Variants in ABLIM2 observed in about 807,000 individuals in gnomAD.
ABLIM2 encodes the protein actin-binding LIM protein 2.
A neutral mutation model predicts 97.7 loss-of-function variants in ABLIM2; 53 were observed. That is an observed-to-expected ratio of 0.54 (90% CI 0.44 to 0.68). ABLIM2 has a LOEUF of 0.68. Ranked by LOEUF, ABLIM2 falls within the 30% of genes least tolerant of loss-of-function variation. The probability of loss-of-function intolerance (pLI) is 0.00; values close to 1 mark genes in which losing one functional copy is unlikely to be tolerated. For synonymous variants in ABLIM2, 361 were observed against 345.8 expected, an observed-to-expected ratio of 1.04 and a Z score of -0.49; for missense variants, 835 against 867.2, an observed-to-expected ratio of 0.96 and a Z score of 0.47.
At chr4:8,086,956 T>A (rs528975702) in intron 4 of ABLIM2, among the ~76,000 whole-genome samples, 1 of 152,048 alleles carries the variant, frequency 6.6e-6, no homozygotes, top group Non-Finnish European at 1.5e-5. Flanking sequence ...TCCCAAGGGA[T>A]GAAGGCTTTG....
chr4:8,060,507 C>T (rs1207294491), intron 7 of ABLIM2, among the ~76,000 whole-genome samples: 1 of 152,194 alleles, frequency 6.6e-6, no homozygotes, highest in Non-Finnish European at 1.5e-5. Context: ...CAGTGACCCT[C>T]AGTACCTCAT....
rs1220921767 is a variant in ABLIM2, at chr4:8,069,784, G to T, written c.675+7844C>A. On this transcript the variant is annotated intron_variant, in intron 6 of 20. Transcript: ENST00000447017. This position sits in a 1 kb window ranked among gnomAD's most constrained non-coding sequence, Gnocchi z 4.2. ...CGGTGTGTCCATGCATGTTGTCTGT[G>T]TCTCTCCGTGTGCTTGTGTGTCTCT... 6.6e-6 allele frequency among the ~76,000 whole-genome samples: 1 copy of T among 151,896 alleles called. No individual in the cohort carries two copies. Among genetic ancestry groups the T allele is most frequent in the African/African-American group, 2.4e-5 (1 of 41,350 alleles).
intron 1 of ABLIM2, among the ~76,000 whole-genome samples, chr4:8,152,078 C>T (rs536774438): frequency 9.9e-5 from 15 of 152,200 alleles, no homozygotes; most frequent in African/African-American, 2.9e-4. Context: ...TAACACACCA[C>T]GGCCCAGGCG....
In ABLIM2 at chr4:8,125,597, G is replaced by A. The variant is rs191977492; in HGVS notation, c.11-18960C>T. 6.6e-6 allele frequency among the ~76,000 whole-genome samples: 1 copy of A among 152,310 alleles called. No homozygotes were observed. The highest frequency in any genetic ancestry group is 1.9e-4 in the East Asian group (1 of 5,166). On this transcript the variant is annotated intron_variant, in intron 1 of 20. Coordinates refer to ENST00000447017, the MANE Select transcript of ABLIM2 (RefSeq NM_001130083.2). This position sits in a 1 kb window ranked among gnomAD's most constrained non-coding sequence, Gnocchi z 6.2. ...CCACAGGTTTGCATGGGGCCTCGGT[G>A]CCGGGGCTGCTTCTGGGATGGTCGT...
rs970719293 is a variant in ABLIM2 at position 8,071,127 on chromosome 4, G to A, written c.675+6501C>T. ...AGAGGCTGGTCACACCGCTGTCCCC[G>A]TGGATTCGCCAGCTGAGTCCCAGCT... On this transcript the variant is annotated intron_variant, in intron 6 of 20. Transcript: ENST00000447017. This position sits in a 1 kb window ranked among gnomAD's most constrained non-coding sequence, Gnocchi z 6.2. 5.9e-5 allele frequency among the ~76,000 whole-genome samples: 9 copies of A among 151,838 alleles called. 1 individual carries two copies. Among genetic ancestry groups the A allele is most frequent in the South Asian group, 4.2e-4 (2 of 4,818 alleles).
intron 12 of ABLIM2, among the ~76,000 whole-genome samples, chr4:8,024,735 C>T (rs888226480): frequency 6.6e-6 from 1 of 152,196 alleles, no homozygotes; most frequent in Admixed American, 6.5e-5. Context: ...TGGGCTCTGC[C>T]AGAAGGAGCT....
chr4:7,965,709 C>T lies in ABLIM2; in HGVS notation c.*1281G>A, dbSNP rs1722708371. 1 of 152,258 alleles carries T rather than the reference C, an allele frequency of 6.6e-6. No individual in the cohort carries two copies. Among genetic ancestry groups the T allele is most frequent in the Non-Finnish European group, 1.5e-5 (1 of 68,068 alleles). 9.4% of individuals were successfully genotyped at this position (152,258 alleles called of 1,614,324 possible). A position where few individuals can be genotyped will look rare whatever the true frequency, so the allele number is the denominator to read the frequency against. ...CACACCTAATGACAGACACCAACGC[C>T]TTCGCTTGGGGAGCCCGGCCAGCCT... On this transcript the variant is annotated 3_prime_UTR_variant, in exon 21 of 21. Transcript: ENST00000447017.
chr4:8,131,792 G>T (rs1378829653), intron 1 of ABLIM2, among the ~76,000 whole-genome samples: 3 of 92,012 alleles, frequency 3.3e-5, no homozygotes, highest in Admixed American at 1.0e-4. Context: ...CTGCACAGCA[G>T]CCCGCATCCC....
At position 8,128,789 on chromosome 4, in the gene ABLIM2, G is replaced by T. The variant is rs750818673; in HGVS notation, c.11-22152C>A. Among the ~76,000 whole-genome samples the T allele has an allele frequency of 5.9e-5, 9 of 152,130 alleles. No homozygotes were observed. The highest frequency in any genetic ancestry group is 8.8e-5 in the Non-Finnish European group (6 of 68,030). Reference sequence around the variant, plus strand: ...GCAGGTGGAGCCCTCATCATGGGATGAGTGCCCTTGTAAGAAGAGGCCAGA... The same window carrying T: ...GCAGGTGGAGCCCTCATCATGGGATTAGTGCCCTTGTAAGAAGAGGCCAGA... On this transcript the variant is annotated intron_variant, in intron 1 of 20. Transcript: ENST00000447017. The surrounding 1 kb of genome is among the most constrained non-coding windows in gnomAD (Gnocchi z 4.9).
chr4:8,029,136 C>T lies in ABLIM2; in HGVS notation c.1168+520G>A, dbSNP rs570878969. On this transcript the variant is annotated intron_variant, in intron 11 of 20. Transcript: ENST00000447017. Reference sequence around the variant, plus strand: ...TGTCTCGGGGCTCTCTCCTGACTGGCGGGGACCTCTCACCCATTCTCCCGT... The same window carrying T: ...TGTCTCGGGGCTCTCTCCTGACTGGTGGGGACCTCTCACCCATTCTCCCGT... Among the ~76,000 whole-genome samples, 12 of 152,260 alleles carry T rather than the reference C, an allele frequency of 7.9e-5. No individual in the cohort carries two copies. In the South Asian group the frequency reaches 2.3e-3, roughly 29 times the overall value.
chr4:8,148,603 G>GCAGTGCTGGGCCCCAGCA lies in ABLIM2; in HGVS notation c.10+10076_10+10077insTGCTGGGGCCCAGCACTG. On this transcript the variant is annotated intron_variant, in intron 1 of 20. Coordinates refer to ENST00000447017, the MANE Select transcript of ABLIM2 (RefSeq NM_001130083.2). This position sits in a 1 kb window ranked among gnomAD's most constrained non-coding sequence, Gnocchi z 6.7. ...AAGGATTATAGGGTGAAAGCACATC[G>GCAGTGCTGGGCCCCAGCA]CGGTGCTGGGTCCACACTGGGGAAG... Among the ~76,000 whole-genome samples the GCAGTGCTGGGCCCCAGCA allele has an allele frequency of 6.6e-6, 1 of 152,184 alleles. No homozygotes were observed. Among genetic ancestry groups the GCAGTGCTGGGCCCCAGCA allele is most frequent in the African/African-American group, 2.4e-5 (1 of 41,490 alleles).
intron 1 of ABLIM2, among the ~76,000 whole-genome samples, chr4:8,142,173 G>A (rs1851089502): frequency 6.6e-6 from 1 of 152,206 alleles, no homozygotes; most frequent in Admixed American, 6.5e-5. Flanking sequence ...GGGACAGCAA[G>A]GGCCAGGACA....
At chr4:7,981,812 G>T (rs533971659) in intron 20 of ABLIM2, among the ~76,000 whole-genome samples, 1 of 152,272 alleles carries the variant, frequency 6.6e-6, no homozygotes, top group South Asian at 2.1e-4. Context: ...CCTCATCTTA[G>T]AGGTGCAGAA....
intron 1 of ABLIM2, among the ~76,000 whole-genome samples, chr4:8,145,292 T>C (rs1250455231): frequency 1.3e-5 from 2 of 151,930 alleles, no homozygotes; most frequent in East Asian, 3.9e-4. Context: ...CAAGCAATTC[T>C]CCTGCTTCAG....
chr4:7,983,347 G>A lies in ABLIM2; in HGVS notation c.1744-3C>T, dbSNP rs1259997869. ...ATGAGGGAGTCATACGGATAGATCT[G>A]TTGGGGGAGGAAACCACAGGGTCAC... On this transcript the variant is annotated splice_polypyrimidine_tract_variant and splice_region_variant and intron_variant, in intron 19 of 20. Transcript: ENST00000447017. 3.1e-6 allele frequency: 5 copies of A among 1,611,100 alleles called. No individual in the cohort carries two copies. Among genetic ancestry groups the A allele is most frequent in the Non-Finnish European group, 4.2e-6 (5 of 1,178,926 alleles).
rs1025490407 is a variant in ABLIM2 at position 8,075,143 on chromosome 4, A to C, written c.675+2485T>G. The stretch of plus-strand genomic sequence containing the variant: ...GATGCGAGAGTAAAGCTTATGTCCG[A>C]ACGAACCTTGAAAACATCAAGCTAT... On this transcript the variant is annotated intron_variant, in intron 6 of 20. Transcript: ENST00000447017. This position sits in a 1 kb window ranked among gnomAD's most constrained non-coding sequence, Gnocchi z 4.4. 6.6e-6 allele frequency among the ~76,000 whole-genome samples: 1 copy of C among 152,210 alleles called. No individual in the cohort carries two copies. Among genetic ancestry groups the C allele is most frequent in the Non-Finnish European group, 1.5e-5 (1 of 68,044 alleles).
chr4:8,118,874 G>A (rs1192877734), intron 1 of ABLIM2, among the ~76,000 whole-genome samples: 3 of 152,192 alleles, frequency 2.0e-5, no homozygotes, highest in Non-Finnish European at 2.9e-5. Context: ...TGCACTGGAG[G>A]CTTCAGGACC....
At position 8,027,806 on chromosome 4, in the gene ABLIM2, G is replaced by A. The variant is rs765827591; in HGVS notation, c.1220C>T (p.Pro407Leu). Residue 407 changes from proline (P) to leucine (L), a missense_variant, in exon 12 of 21, where the codon CCA becomes CTA. Physicochemically the swap from Pro to Leu is moderately conservative, Grantham distance 98. Transcript: ENST00000447017. ...ATGTCTGAACACGGATGTAGGGCTT[G>A]GGTGTTGGGACAGGGAGAGGCAGCT... ...TSSCLSLSQH[P>L]SPTSVFRHHY... 6.2e-7 allele frequency: 1 copy of A among 1,601,686 alleles called. No individual in the cohort carries two copies. The highest frequency in any genetic ancestry group is 8.5e-7 in the Non-Finnish European group (1 of 1,174,562).
At chr4:7,977,565 G>A (rs1325989578) in intron 20 of ABLIM2, among the ~76,000 whole-genome samples, 2 of 152,098 alleles carry the variant, frequency 1.3e-5, no homozygotes, top group South Asian at 2.1e-4. Flanking sequence ...TGAAGTGGGG[G>A]GATCACCAGA....
Sources: allele counts gnomAD v4.1 joint callset (sites outside exome capture counted in the v4.1 genomes callset), GRCh38; gene constraint gnomAD v4.1.1; non-coding constraint Gnocchi (gnomAD v3.1); transcripts MANE v1.5; gene names NCBI Gene and HGNC (gene_info 2026-07-23, HGNC 2026-07-21).